The following TEX46 variants were observed in gnomAD, a reference collection of about 807,000 sequenced individuals.
TEX46 encodes the protein testis-expressed protein 46.
In TEX46, 6 loss-of-function variants were observed where a neutral mutation model predicts 5.3. The ratio of observed to expected loss-of-function variants is 1.13; its 90% CI spans 0.62 to 2.23. The LOEUF is 2.23. TEX46 is among the 30% of genes most tolerant of loss of function. TEX46 has a pLI of 0.00. For synonymous variants in TEX46, 41 were observed against 54.6 expected (o/e 0.75, Z 1.10); for missense variants, 131 against 150.9 (o/e 0.87, Z 0.69).
intron 1 of TEX46, 119 bp from the exon 2 acceptor site, chr1:23,014,164 A>AGGGGGG: frequency 7.6e-7 from 1 of 1,307,234 alleles, no homozygotes; most frequent in Non-Finnish European, 1.0e-6. Context: ...AGTCATAGCC[A>AGGGGGG]GCTCCCTCCC....
chr1:23,013,306 G>A (rs1223826049), intron 2 of TEX46, among the ~76,000 whole-genome samples: 1 of 152,082 alleles, frequency 6.6e-6, no homozygotes, highest in East Asian at 1.9e-4. Context: ...CTGAGTAGCT[G>A]GTATTACAGG....
chr1:23,015,840 G>C lies in TEX46; in HGVS notation c.-67C>G. On this transcript the variant is annotated 5_prime_UTR_variant, in exon 1 of 3. Coordinates refer to ENST00000566855, the MANE Select transcript of TEX46 (RefSeq NM_001242521.2). ...AATGGTGGCTGCCAGGGTCTGGAAGGAGGGGCAAATGTAGTCATTGTTTAA... is the reference window on the plus strand; with the variant it reads ...AATGGTGGCTGCCAGGGTCTGGAAGCAGGGGCAAATGTAGTCATTGTTTAA... 1 of 675,814 alleles carries C rather than the reference G, an allele frequency of 1.5e-6. No homozygotes were observed. Among genetic ancestry groups the C allele is most frequent in the Non-Finnish European group, 2.7e-6 (1 of 375,272 alleles). The allele number at this position is 675,814 out of a possible 1,614,324, so 41.9% of individuals were successfully genotyped here.
At chr1:23,015,465 A>AAAAAAAAAAC (rs1641407141) in intron 1 of TEX46, among the ~76,000 whole-genome samples, 1 of 148,480 alleles carries the variant, frequency 6.7e-6, no homozygotes, top group Non-Finnish European at 1.5e-5. Flanking sequence ...AAAAAAAAAA[A>AAAAAAAAAAC]AAAGCATACA....
chr1:23,012,205 G>T (rs181176650), intron 2 of TEX46, among the ~76,000 whole-genome samples: 99 of 151,816 alleles, frequency 6.5e-4, no homozygotes, highest in African/African-American at 2.2e-3. Flanking sequence ...GAAAAAATTA[G>T]CCCTGTGCAC....
At chr1:23,013,597 T>C (rs940270248) in intron 2 of TEX46, among the ~76,000 whole-genome samples, 7 of 152,208 alleles carry the variant, frequency 4.6e-5, no homozygotes, top group African/African-American at 7.2e-5. Context: ...TTTTTCACAT[T>C]AAAGTAGTTG....
In TEX46 at chr1:23,011,079, A is replaced by G. The variant is rs1557467105; in HGVS notation, c.188T>C (p.Leu63Ser). The change falls in exon 3 of 3, where the codon TTG (leucine) becomes TCG (serine). Residue 63 changes from leucine to serine, a missense_variant. Leu to Ser is a moderately radical substitution (Grantham distance 145). Coordinates refer to ENST00000566855, the MANE Select transcript of TEX46 (RefSeq NM_001242521.2). ...GACCTTCATCTTCATTTCACTGAACAACAGCCGTTGGAGGATCTCGTCCTG... is the reference window on the plus strand; with the variant it reads ...GACCTTCATCTTCATTTCACTGAACGACAGCCGTTGGAGGATCTCGTCCTG... ...PQQDEILQRLLFSEMKMKVLE... is the reference protein window; with the variant it reads ...PQQDEILQRLSFSEMKMKVLE... 6.5e-7 allele frequency: 1 copy of G among 1,536,022 alleles called. No individual in the cohort carries two copies. The highest frequency in any genetic ancestry group is 8.7e-7 in the Non-Finnish European group (1 of 1,146,828).
chr1:23,015,412 G>C (rs1641405261), intron 1 of TEX46, among the ~76,000 whole-genome samples: 1 of 109,552 alleles, frequency 9.1e-6, no homozygotes, highest in Non-Finnish European at 1.7e-5. Context: ...CTCCAGCCTG[G>C]GCGACAACAG....
intron 2 of TEX46, among the ~76,000 whole-genome samples, chr1:23,011,456 G>A (rs1641350665): frequency 6.8e-6 from 1 of 146,874 alleles, no homozygotes; most frequent in South Asian, 2.2e-4. Context: ...GCAATGGTGT[G>A]ATCTCGGCTC....
At chr1:23,012,602 T>G (rs1363112387) in intron 2 of TEX46, among the ~76,000 whole-genome samples, 1 of 152,226 alleles carries the variant, frequency 6.6e-6, no homozygotes, top group Non-Finnish European at 1.5e-5. Flanking sequence ...TAGTTCTCAA[T>G]GGGAGGCATT....
chr1:23,010,838 C>T lies in TEX46; in HGVS notation c.*63G>A, dbSNP rs1641343112. On this transcript the variant is annotated 3_prime_UTR_variant, in exon 3 of 3. Transcript: ENST00000566855. ...TGACTTACTATGAACATTCAATAGG[C>T]TGTGACTGGGTTTTACTGAGGTAAA... is the stretch of plus-strand genomic sequence containing the variant. 2.4e-6 allele frequency: 3 copies of T among 1,273,016 alleles called. No homozygotes were observed. The South Asian group carries it at 4.2e-5, about 18-fold the overall frequency. 78.9% of individuals were successfully genotyped at this position (1,273,016 alleles called of 1,614,324 possible).
Position 23,010,988 on chromosome 1 carries a change from C to G in TEX46, c.279G>C (p.Arg93=), listed in dbSNP as rs1021447385. The change falls in exon 3 of 3, where the codon CGG becomes CGC. Residue 93 remains arginine, a synonymous_variant. Coordinates refer to ENST00000566855, the MANE Select transcript of TEX46 (RefSeq NM_001242521.2). ...TTCTGTGTTTTTTCATGGGAAAATT[C>G]CGATGTCTGCTTGACCGCCCGTGGT... The part of the protein sequence containing the change: ...MNHHGRSSRH[R]NFPMKKHRMR... The G allele has an allele frequency of 1.0e-5, 16 of 1,535,832 alleles. No homozygotes were observed. The highest frequency in any genetic ancestry group is 1.2e-5 in the South Asian group (1 of 84,042).
At chr1:23,013,825 A>G in intron 2 of TEX46, 58 bp downstream of exon 2, 1 of 1,483,676 alleles carries the variant, frequency 6.7e-7, no homozygotes, top group Admixed American at 2.0e-5. Context: ...TACCCACCTA[A>G]TCTAGCTGCA....
intron 2 of TEX46, among the ~76,000 whole-genome samples, chr1:23,013,625 T>C (rs1641380675): frequency 6.6e-6 from 1 of 152,210 alleles, no homozygotes. Flanking sequence ...TGCCAAAGCA[T>C]GTTGACATCA....
chr1:23,011,682 C>T (rs974969100), intron 2 of TEX46, among the ~76,000 whole-genome samples: 1 of 152,240 alleles, frequency 6.6e-6, no homozygotes, highest in African/African-American at 2.4e-5. Flanking sequence ...GCCTTGGCCT[C>T]CCAAGGTGCT....
intron 1 of TEX46, among the ~76,000 whole-genome samples, chr1:23,015,252 A>G (rs536525801): frequency 6.9e-6 from 1 of 143,932 alleles, no homozygotes; most frequent in African/African-American, 2.5e-5. Flanking sequence ...ACTGGCCAAC[A>G]TGGTGAAACC....
chr1:23,014,828 A>G (rs1641397561), intron 1 of TEX46, among the ~76,000 whole-genome samples: 1 of 151,566 alleles, frequency 6.6e-6, no homozygotes, highest in Non-Finnish European at 1.5e-5. Flanking sequence ...ATTAACTTTT[A>G]TTATTTTATT....
intron 2 of TEX46, 64 bp from the exon 3 acceptor site, chr1:23,011,165 G>T: frequency 7.4e-7 from 1 of 1,348,458 alleles, no homozygotes; most frequent in Non-Finnish European, 1.0e-6. Flanking sequence ...TGCTGTTCTT[G>T]GAGTCGTTTT....
chr1:23,012,907 T>G (rs1641373093), intron 2 of TEX46, among the ~76,000 whole-genome samples: 2 of 150,442 alleles, frequency 1.3e-5, no homozygotes, highest in South Asian at 4.3e-4. Flanking sequence ...AGTCTCACTC[T>G]GTCATCCAGG....
At chr1:23,011,310 C>G (rs181927609) in intron 2 of TEX46, 6 of 504,652 alleles carry the variant, frequency 1.2e-5, no homozygotes, top group Admixed American at 3.2e-5. Flanking sequence ...ATTATCTTAA[C>G]AGAGTCTCAC....
Sources: allele counts gnomAD v4.1 joint callset (sites outside exome capture counted in the v4.1 genomes callset), GRCh38; gene constraint gnomAD v4.1.1; transcripts MANE v1.5; gene names NCBI Gene and HGNC (gene_info 2026-07-23, HGNC 2026-07-21).